Variants in SIPA1L2 observed in about 807,000 individuals in gnomAD.
SIPA1L2 encodes signal-induced proliferation-associated 1-like protein 2.
SIPA1L2 carries 56 observed loss-of-function variants against 163.9 expected under a neutral mutation model. The observed-to-expected ratio is 0.34, with a 90% CI of 0.28 to 0.43. The LOEUF (loss-of-function observed/expected upper bound fraction) is 0.43. SIPA1L2 is among the 20% of genes least tolerant of loss of function. The probability of loss-of-function intolerance (pLI) is 1.00; values close to 1 mark genes in which losing one functional copy is unlikely to be tolerated. For missense variants in SIPA1L2, 1,974 were observed against 2,193.5 expected (o/e 0.90, Z 2.00); for synonymous variants, 877 against 865.7 (o/e 1.01, Z -0.23).
chr1:232,461,182 T>C, intron 9 of SIPA1L2, 21 bp from the exon 10 acceptor site: 1 of 1,606,986 alleles, frequency 6.2e-7, no homozygotes, highest in Non-Finnish European at 8.5e-7. Flanking sequence ...AGGAGACTGT[T>C]AGAGATGCCC....
intron 3 of SIPA1L2, among the ~76,000 whole-genome samples, chr1:232,504,258 G>C (rs921819002): frequency 4.6e-5 from 7 of 151,878 alleles, no homozygotes; most frequent in African/African-American, 1.7e-4. Context: ...AATTCAACAG[G>C]CCGGGAGCAG....
At chr1:232,534,172 G>A (rs531292666) in intron 2 of SIPA1L2, among the ~76,000 whole-genome samples, 1 of 152,158 alleles carries the variant, frequency 6.6e-6, no homozygotes, top group Non-Finnish European at 1.5e-5. Context: ...AAACACTGTG[G>A]CATCAACATG....
At chr1:232,425,028 T>C (rs1661803085) in intron 18 of SIPA1L2, among the ~76,000 whole-genome samples, 2 of 152,170 alleles carry the variant, frequency 1.3e-5, no homozygotes, top group Admixed American at 1.3e-4. Flanking sequence ...CAGGTTGACC[T>C]GTGACTAGTA....
At chr1:232,421,544 G>T (rs1254167801) in intron 18 of SIPA1L2, among the ~76,000 whole-genome samples, 1 of 152,100 alleles carries the variant, frequency 6.6e-6, no homozygotes, top group Non-Finnish European at 1.5e-5. Context: ...AGAGAAAGAA[G>T]TATTACACTG....
chr1:232,530,225 C>A (rs1431880839), intron 2 of SIPA1L2, among the ~76,000 whole-genome samples: 1 of 21,484 alleles, frequency 4.7e-5, no homozygotes, highest in Non-Finnish European at 1.2e-4. Flanking sequence ...AGCGATTCCC[C>A]CGCCCAGCCT....
intron 2 of SIPA1L2, among the ~76,000 whole-genome samples, chr1:232,571,966 G>T (rs974989943): frequency 6.6e-6 from 1 of 152,166 alleles, no homozygotes; most frequent in Non-Finnish European, 1.5e-5. Flanking sequence ...AACACAAAAA[G>T]GGGCTAACAC....
intron 1 of SIPA1L2, among the ~76,000 whole-genome samples, chr1:232,603,265 C>T (rs780402084): frequency 3.8e-4 from 58 of 152,218 alleles, no homozygotes; most frequent in Non-Finnish European, 6.5e-4. Flanking sequence ...CCAAGGAAGA[C>T]GACTAGGGAC....
At chr1:232,456,683 T>C (rs988408169) in intron 10 of SIPA1L2, among the ~76,000 whole-genome samples, 2 of 152,188 alleles carry the variant, frequency 1.3e-5, no homozygotes, top group African/African-American at 4.8e-5. Context: ...TCAGTCACCT[T>C]TGAAGGCCAG....
At chr1:232,589,414 T>C (rs1660852756) in intron 1 of SIPA1L2, among the ~76,000 whole-genome samples, 1 of 152,242 alleles carries the variant, frequency 6.6e-6, no homozygotes, top group South Asian at 2.1e-4. Context: ...CATTGTCTTT[T>C]GCCACCATTG....
chr1:232,414,273 G>A (rs1661122470), intron 19 of SIPA1L2, among the ~76,000 whole-genome samples: 1 of 152,196 alleles, frequency 6.6e-6, no homozygotes, highest in African/African-American at 2.4e-5. Context: ...CCACTTGAGA[G>A]TGGATTCCAA....
At chr1:232,477,786 T>G (rs539394286) in intron 7 of SIPA1L2, among the ~76,000 whole-genome samples, 2 of 152,194 alleles carry the variant, frequency 1.3e-5, no homozygotes, top group Admixed American at 6.5e-5. Context: ...AAAGCCAGTT[T>G]TGAGTTGTGG....
chr1:232,601,152 CCT>C (rs1300926958), intron 1 of SIPA1L2, among the ~76,000 whole-genome samples: 1 of 152,148 alleles, frequency 6.6e-6, no homozygotes, highest in Non-Finnish European at 1.5e-5. Context: ...CAGGCTGGGC[CCT>C]GGGACACAGG....
intron 2 of SIPA1L2, among the ~76,000 whole-genome samples, chr1:232,527,571 A>G (rs1573030601): frequency 6.6e-6 from 1 of 152,162 alleles, no homozygotes; most frequent in Non-Finnish European, 1.5e-5. Flanking sequence ...GATGCCCACT[A>G]ATTAATTTGG....
intron 3 of SIPA1L2, among the ~76,000 whole-genome samples, chr1:232,510,131 G>A (rs1203684887): frequency 6.6e-6 from 1 of 152,206 alleles, no homozygotes; most frequent in Admixed American, 6.5e-5. Context: ...AGCATATACA[G>A]AAATCTGATG....
At chr1:232,541,344 T>C (rs1294555071) in intron 2 of SIPA1L2, among the ~76,000 whole-genome samples, 1 of 152,172 alleles carries the variant, frequency 6.6e-6, no homozygotes, top group African/African-American at 2.4e-5. Context: ...TAATTTATTA[T>C]TTTCAACAAG....
At chr1:232,430,326 T>C (rs952143247) in intron 16 of SIPA1L2, among the ~76,000 whole-genome samples, 1 of 152,216 alleles carries the variant, frequency 6.6e-6, no homozygotes, top group African/African-American at 2.4e-5. Flanking sequence ...ACAGCATGAA[T>C]GGGTGCACAG....
intron 10 of SIPA1L2, among the ~76,000 whole-genome samples, chr1:232,460,646 A>G (rs184561690): frequency 6.6e-6 from 1 of 152,288 alleles, no homozygotes; most frequent in Non-Finnish European, 1.5e-5. Context: ...AATGTAGTCA[A>G]TGTTCCATTA....
intron 9 of SIPA1L2, chr1:232,462,194 G>A (rs759410209): frequency 1.5e-5 from 23 of 1,546,824 alleles, no homozygotes; most frequent in African/African-American, 6.9e-5. Context: ...AGCACTCACC[G>A]AGCATAGTTT....
chr1:232,403,412 A>T, intron 21 of SIPA1L2, 36 bp downstream of exon 21: 1 of 1,598,404 alleles, frequency 6.3e-7, no homozygotes. Context: ...CATGCCTGGA[A>T]CAGCAGGAGG....
Sources: allele counts gnomAD v4.1 joint callset (sites outside exome capture counted in the v4.1 genomes callset), GRCh38; gene constraint gnomAD v4.1.1; transcripts MANE v1.5; gene names NCBI Gene and HGNC (gene_info 2026-07-23, HGNC 2026-07-21).